Variants in KAT2B observed in about 807,000 individuals in gnomAD.
The protein encoded by KAT2B is histone acetyltransferase KAT2B.
Under a neutral mutation model 105.9 loss-of-function variants are expected in KAT2B, and 36 were observed. That is an observed-to-expected ratio of 0.34 (90% CI 0.26 to 0.45). The LOEUF is 0.45. Among genes scored for constraint, KAT2B ranks in the 20% least tolerant of loss-of-function variants. KAT2B has a pLI of 1.00. For missense variants in KAT2B, 820 were observed against 1,021.6 expected, an observed-to-expected ratio of 0.80 and a Z score of 2.69; for synonymous variants, 397 against 377.9, an observed-to-expected ratio of 1.05 and a Z score of -0.59.
At position 20,146,335 on chromosome 3, in the gene KAT2B, A is replaced by G. The variant is rs150952531; in HGVS notation, c.2024A>G (p.Glu675Gly). The G allele has an allele frequency of 3.7e-6, 6 of 1,608,304 alleles. No homozygotes were observed. The African/African-American group carries it at 8.0e-5, about 21-fold the overall frequency. The change falls in exon 14 of 18, where the codon GAA (glutamate) becomes GGA (glycine). Residue 675 changes from glutamate to glycine, a missense_variant. Coordinates refer to ENST00000263754, the MANE Select transcript of KAT2B (RefSeq NM_003884.5). ...TTACAGATAATTAAAAAACTGATTGAAAGAAAACAGGCACAAATTCGAAAA... is the reference window on the plus strand; with the variant it reads ...TTACAGATAATTAAAAAACTGATTGGAAGAAAACAGGCACAAATTCGAAAA... ...KQKEIIKKLIERKQAQIRKVY... is the reference protein window; with the variant it reads ...KQKEIIKKLIGRKQAQIRKVY...
chr3:20,096,357 A>G (rs1698811119), intron 3 of KAT2B, among the ~76,000 whole-genome samples: 1 of 152,150 alleles, frequency 6.6e-6, no homozygotes, highest in South Asian at 2.1e-4. Context: ...GCTTCTGATT[A>G]GAGCCAGGAC....
chr3:20,091,827 A>G (rs1698723627), intron 2 of KAT2B, among the ~76,000 whole-genome samples: 1 of 152,204 alleles, frequency 6.6e-6, no homozygotes, highest in Non-Finnish European at 1.5e-5. Flanking sequence ...AATGATTTAT[A>G]TAGGTTGGTC....
chr3:20,091,918 G>T (rs796556696), intron 2 of KAT2B, among the ~76,000 whole-genome samples: 2 of 152,134 alleles, frequency 1.3e-5, no homozygotes, highest in African/African-American at 4.8e-5. Context: ...TTTCCTACCA[G>T]TGTGGTTGGA....
intron 11 of KAT2B, among the ~76,000 whole-genome samples, chr3:20,129,286 A>G (rs996601050): frequency 6.6e-6 from 1 of 152,130 alleles, no homozygotes; most frequent in African/African-American, 2.4e-5. Flanking sequence ...TTACCCATAT[A>G]TCCAAAGTAT....
chr3:20,118,288 ATAAT>A (rs1441412132), intron 7 of KAT2B, among the ~76,000 whole-genome samples: 2 of 145,960 alleles, frequency 1.4e-5, no homozygotes, highest in African/African-American at 2.5e-5. Context: ...ATATAAATAA[ATAAT>A]TATTTATATA....
intron 11 of KAT2B, among the ~76,000 whole-genome samples, chr3:20,135,156 A>G (rs542687396): frequency 3.3e-5 from 5 of 152,304 alleles, no homozygotes; most frequent in East Asian, 1.9e-4. Context: ...GTTTTATTCA[A>G]ACTCTCAGTG....
chr3:20,089,192 G>C (rs1016105608), intron 2 of KAT2B, among the ~76,000 whole-genome samples: 3 of 152,102 alleles, frequency 2.0e-5, no homozygotes, highest in African/African-American at 7.2e-5. Flanking sequence ...TTTTGCTCAA[G>C]ATTGCTTTGG....
chr3:20,099,972 G>A lies in KAT2B; in HGVS notation c.669+18G>A, dbSNP rs1481714704. ...TTGAACAGGTAAAAAGATTTTAAAA[G>A]CCCTCTTTTTATTGGCTCAAGGCTG... On this transcript the variant is annotated intron_variant, in intron 4 of 17. Coordinates refer to ENST00000263754, the MANE Select transcript of KAT2B (RefSeq NM_003884.5). 3 of 1,356,834 alleles carry A rather than the reference G, an allele frequency of 2.2e-6. No homozygotes were observed. The highest frequency in any genetic ancestry group is 3.1e-6 in the Non-Finnish European group (3 of 952,622). 84.0% of individuals were successfully genotyped at this position (1,356,834 alleles called of 1,614,324 possible).
chr3:20,085,511 C>CTTTT (rs11346744), intron 2 of KAT2B, among the ~76,000 whole-genome samples: 4 of 137,640 alleles, frequency 2.9e-5, no homozygotes, highest in Non-Finnish European at 4.6e-5. Flanking sequence ...TTCTTTCTTT[C>CTTTT]TTTTTTTTTT....
intron 5 of KAT2B, among the ~76,000 whole-genome samples, chr3:20,105,029 G>A (rs1177710999): frequency 6.6e-6 from 1 of 151,968 alleles, no homozygotes; most frequent in Non-Finnish European, 1.5e-5. Context: ...AGGATTACAA[G>A]TGCGTGCCAC....
intron 1 of KAT2B, among the ~76,000 whole-genome samples, chr3:20,052,283 T>C (rs960912994): frequency 6.6e-6 from 1 of 152,210 alleles, no homozygotes; most frequent in Non-Finnish European, 1.5e-5. Context: ...GGAAATTATG[T>C]TTTAAAAAAT....
chr3:20,067,785 C>G (rs565095645), intron 1 of KAT2B, among the ~76,000 whole-genome samples: 33 of 151,296 alleles, frequency 2.2e-4, no homozygotes, highest in African/African-American at 7.8e-4. Flanking sequence ...AGCGATTCTC[C>G]TGCCTCAGCC....
At chr3:20,092,782 A>G (rs1473691512) in intron 2 of KAT2B, among the ~76,000 whole-genome samples, 1 of 151,826 alleles carries the variant, frequency 6.6e-6, no homozygotes, top group Non-Finnish European at 1.5e-5. Context: ...GCTCACTGCA[A>G]TCTCCGCCTC....
At position 20,040,871 on chromosome 3, in the gene KAT2B, C is replaced by CGCCTCCT. The variant is rs1460048652; in HGVS notation, c.303+97_303+103dup. On this transcript the variant is annotated intron_variant, in intron 1 of 17. Transcript: ENST00000263754. ...CCCTCCCGCTTCCACCTCCGCCTCC[C>CGCCTCCT]GCCTCCTGCCTCTCGCCTCCCGCCT... 6.8e-5 allele frequency: 94 copies of CGCCTCCT among 1,380,418 alleles called. 2 individuals are homozygous for CGCCTCCT. The highest frequency in any genetic ancestry group is 8.1e-5 in the Non-Finnish European group (86 of 1,060,924). The allele number at this position is 1,380,418 out of a possible 1,614,324, so 85.5% of individuals were successfully genotyped here. A position where few individuals can be genotyped will look rare whatever the true frequency, so the allele number is the denominator to read the frequency against.
intron 14 of KAT2B, 118 bp from the exon 15 acceptor site, chr3:20,147,845 C>A: frequency 1.1e-6 from 1 of 905,834 alleles, no homozygotes; most frequent in Non-Finnish European, 1.7e-6. Context: ...TCAGTCGTCT[C>A]TCAGAAGTAG....
intron 13 of KAT2B, among the ~76,000 whole-genome samples, chr3:20,141,959 A>T (rs1472465924): frequency 6.6e-6 from 1 of 152,058 alleles, no homozygotes; most frequent in African/African-American, 2.4e-5. Flanking sequence ...TCTGGAGCTT[A>T]ATGAGCAGGT....
intron 7 of KAT2B, among the ~76,000 whole-genome samples, chr3:20,118,089 TTTAA>T (rs1699236875): frequency 6.6e-6 from 1 of 150,476 alleles, no homozygotes; most frequent in Non-Finnish European, 1.5e-5. Context: ...TCTTTTTCTC[TTTAA>T]TTCTCTCCAC....
intron 6 of KAT2B, among the ~76,000 whole-genome samples, chr3:20,113,867 G>A (rs1432601848): frequency 6.6e-6 from 1 of 152,000 alleles, no homozygotes; most frequent in Non-Finnish European, 1.5e-5. Context: ...TATTTACAAA[G>A]TGTTTTTGTT....
In KAT2B at chr3:20,086,048, A is replaced by G. The variant is rs1575124561; in HGVS notation, c.431-9215A>G. ...CACTTTGGGAGGCCACAGTGGATGG[A>G]TCGCTTGAGCTCAGAAGTTCGAGAC... On this transcript the variant is annotated intron_variant, in intron 2 of 17. Transcript: ENST00000263754. 2.6e-5 allele frequency among the ~76,000 whole-genome samples: 4 copies of G among 151,848 alleles called. No homozygotes were observed. In the South Asian group the frequency reaches 8.3e-4, roughly 31 times the overall value.
Sources: gnomAD v4.1 joint callset for allele counts (sites outside exome capture counted in the v4.1 genomes callset) on GRCh38, gnomAD v4.1.1 for gene constraint, MANE v1.5 for transcripts, NCBI Gene and HGNC (gene_info 2026-07-23, HGNC 2026-07-21) for gene names.